The following RNF150 variants were observed in gnomAD, a reference collection of about 807,000 sequenced individuals.
RNF150 encodes the protein ring finger protein 150.
In RNF150, 24 loss-of-function variants were observed where a neutral mutation model predicts 39.3. That is an observed-to-expected ratio of 0.61 (90% confidence interval 0.44 to 0.86). The LOEUF (loss-of-function observed/expected upper bound fraction) is 0.86. Ranked by LOEUF, RNF150 falls within the 40% of genes least tolerant of loss-of-function variation. The pLI, the probability that RNF150 is intolerant of heterozygous loss-of-function variation, is 0.00. For missense variants in RNF150, 502 were observed against 587.8 expected (o/e 0.85, Z 1.51); for synonymous variants, 255 against 227.3 (o/e 1.12, Z -1.10).
At chr4:141,201,621 G>C (rs1728294214) in intron 1 of RNF150, among the ~76,000 whole-genome samples, 1 of 137,042 alleles carries the variant, frequency 7.3e-6, no homozygotes. Flanking sequence ...AATGGGTGTA[G>C]TCTTGCAATT....
rs1216152609 is a variant in RNF150, at chr4:140,861,296, ATCT to A, written c.*6962_*6964del. 1.3e-5 allele frequency: 2 copies of A among 152,242 alleles called. No individual in the cohort carries two copies. Among genetic ancestry groups the A allele is most frequent in the Non-Finnish European group, 1.5e-5 (1 of 68,040 alleles). The allele number at this position is 152,242 out of a possible 1,614,324, so 9.4% of individuals were successfully genotyped here. A position where few individuals can be genotyped will look rare whatever the true frequency, so the allele number is the denominator to read the frequency against. The stretch of plus-strand genomic sequence containing the variant: ...CTGCACAAACATTCTAGCCAGAGGC[ATCT>A]TCTTTGCAAACAGAGCAACATTATC... On this transcript the variant is annotated 3_prime_UTR_variant, in exon 7 of 7. Transcript: ENST00000515673.
intron 1 of RNF150, among the ~76,000 whole-genome samples, chr4:140,995,428 T>G (rs73858675): frequency 0.076 from 11,544 of 152,086 alleles, 495 homozygotes; most frequent in Middle Eastern, 0.16. Flanking sequence ...CAAACTAAGG[T>G]GTAGATTATG....
intron 1 of RNF150, among the ~76,000 whole-genome samples, chr4:141,084,715 A>C (rs930973001): frequency 1.3e-5 from 2 of 152,238 alleles, no homozygotes; most frequent in African/African-American, 4.8e-5. Flanking sequence ...AATGATGGTG[A>C]AATAAAGATT....
At chr4:141,110,134 T>C (rs758534040) in intron 1 of RNF150, among the ~76,000 whole-genome samples, 29 of 152,294 alleles carry the variant, frequency 1.9e-4, no homozygotes, top group Non-Finnish European at 3.1e-4. Context: ...TTTAGGACTG[T>C]TATGTCAAAG....
intron 1 of RNF150, among the ~76,000 whole-genome samples, chr4:141,107,118 A>G (rs949171669): frequency 6.6e-6 from 1 of 152,210 alleles, no homozygotes; most frequent in African/African-American, 2.4e-5. Flanking sequence ...ATAAAGGATG[A>G]CATCAATTTA....
At chr4:141,191,934 G>GGCCACTT (rs1728116189) in intron 1 of RNF150, among the ~76,000 whole-genome samples, 1 of 151,844 alleles carries the variant, frequency 6.6e-6, no homozygotes, top group Non-Finnish European at 1.5e-5. Flanking sequence ...GGCCACTTTG[G>GGCCACTT]TGCTCACTGG....
At chr4:140,927,428 C>T (rs1441245952) in intron 4 of RNF150, among the ~76,000 whole-genome samples, 3 of 152,018 alleles carry the variant, frequency 2.0e-5, no homozygotes, top group Non-Finnish European at 4.4e-5. Context: ...TGGTGCTGTT[C>T]TTGTGATAGT....
chr4:141,161,350 G>A (rs550942074), intron 1 of RNF150, among the ~76,000 whole-genome samples: 15 of 152,296 alleles, frequency 9.8e-5, no homozygotes, highest in African/African-American at 3.4e-4. Context: ...TCAAGATGTG[G>A]CTTGGCTTCT....
chr4:141,006,048 G>A (rs61327672), intron 1 of RNF150, among the ~76,000 whole-genome samples: 1,249 of 123,674 alleles, frequency 0.01, 79 homozygotes, highest in African/African-American at 0.037. Flanking sequence ...CAGCCTGGGC[G>A]ACAGAGCGAG....
intron 1 of RNF150, among the ~76,000 whole-genome samples, chr4:141,040,272 T>C (rs1448778447): frequency 6.6e-6 from 1 of 152,134 alleles, no homozygotes; most frequent in African/African-American, 2.4e-5. Context: ...ATTAACTAAA[T>C]GTGATCTCAG....
intron 1 of RNF150, among the ~76,000 whole-genome samples, chr4:141,143,751 C>T (rs963558227): frequency 6.6e-6 from 1 of 152,150 alleles, no homozygotes; most frequent in Non-Finnish European, 1.5e-5. Flanking sequence ...TCACATGCAA[C>T]AAGCTTTGGT....
chr4:140,994,657 A>G (rs1011413431), intron 1 of RNF150, among the ~76,000 whole-genome samples: 4 of 152,180 alleles, frequency 2.6e-5, no homozygotes, highest in Admixed American at 6.5e-5. Context: ...CTATAACAAA[A>G]TGAAAAAAGG....
chr4:141,162,171 G>A (rs891368602), intron 1 of RNF150, among the ~76,000 whole-genome samples: 3 of 152,294 alleles, frequency 2.0e-5, no homozygotes, highest in Non-Finnish European at 4.4e-5. Context: ...AAAGCCACAG[G>A]GGCAGAACTG....
chr4:141,076,882 G>A (rs542473470), intron 1 of RNF150, among the ~76,000 whole-genome samples: 2 of 152,016 alleles, frequency 1.3e-5, no homozygotes, highest in South Asian at 2.1e-4. Context: ...TTTCTCGCAT[G>A]GTCTAGACGA....
chr4:141,072,749 G>A (rs1486295406), intron 1 of RNF150, among the ~76,000 whole-genome samples: 2 of 152,112 alleles, frequency 1.3e-5, no homozygotes, highest in Non-Finnish European at 2.9e-5. Flanking sequence ...TCAGTTCTCA[G>A]TCTTATTTGT....
chr4:140,911,048 C>T, intron 6 of RNF150, 96 bp downstream of exon 6: 1 of 934,748 alleles, frequency 1.1e-6, no homozygotes, highest in Non-Finnish European at 1.7e-6. Flanking sequence ...TGTACTCATT[C>T]AATATTTTTT....
intron 1 of RNF150, among the ~76,000 whole-genome samples, chr4:141,170,118 G>T (rs1425957529): frequency 5.3e-5 from 8 of 152,146 alleles, no homozygotes; most frequent in African/African-American, 1.9e-4. Context: ...TCATGAGTCT[G>T]CAAATGAAAA....
At chr4:141,107,380 G>A (rs982545036) in intron 1 of RNF150, among the ~76,000 whole-genome samples, 2 of 152,044 alleles carry the variant, frequency 1.3e-5, no homozygotes, top group African/African-American at 4.8e-5. Flanking sequence ...ACTATTATTT[G>A]CATTTTACAT....
chr4:140,952,311 C>G (rs977347541), intron 2 of RNF150, among the ~76,000 whole-genome samples: 2 of 152,210 alleles, frequency 1.3e-5, no homozygotes, highest in African/African-American at 4.8e-5. Context: ...AGCGCCCGAC[C>G]AGGGAGCCAA....
Sources: allele counts gnomAD v4.1 joint callset (sites outside exome capture counted in the v4.1 genomes callset), GRCh38; gene constraint gnomAD v4.1.1; transcripts MANE v1.5; gene names NCBI Gene and HGNC (gene_info 2026-07-23, HGNC 2026-07-21).